The following RETREG3 variants were observed in gnomAD, a reference collection of about 807,000 sequenced individuals.
RETREG3 encodes reticulophagy regulator family member 3.
Under a neutral mutation model 50.2 loss-of-function variants are expected in RETREG3, and 23 were observed. The observed-to-expected ratio is 0.46, with a 90% confidence interval of 0.33 to 0.65. The LOEUF is 0.65. Among genes scored for constraint, RETREG3 ranks in the 30% least tolerant of loss-of-function variants. RETREG3 has a pLI of 0.02. For synonymous variants in RETREG3, 240 were observed against 234.4 expected (o/e 1.02, Z -0.22); for missense variants, 546 against 598.0 (o/e 0.91, Z 0.91).
chr17:42,593,153 T>C (rs2093136477), intron 1 of RETREG3, among the ~76,000 whole-genome samples: 1 of 152,160 alleles, frequency 6.6e-6, no homozygotes, highest in African/African-American at 2.4e-5. Flanking sequence ...CAATATTCCT[T>C]ATGAATATAG....
At chr17:42,594,777 C>G (rs559128265) in intron 1 of RETREG3, among the ~76,000 whole-genome samples, 6 of 148,170 alleles carry the variant, frequency 4.0e-5, no homozygotes, top group East Asian at 2.1e-4. Context: ...CGTGAACCTG[C>G]GAGGCGGAGC....
chr17:42,586,621 C>A, intron 4 of RETREG3, 144 bp downstream of exon 4: 1 of 1,182,740 alleles, frequency 8.5e-7, no homozygotes, highest in Non-Finnish European at 1.2e-6. Context: ...GGTCAGAAGG[C>A]CTTTCCTATA....
At chr17:42,589,495 C>T (rs932930333) in intron 2 of RETREG3, among the ~76,000 whole-genome samples, 17 of 152,130 alleles carry the variant, frequency 1.1e-4, no homozygotes, top group African/African-American at 2.9e-4. Flanking sequence ...TACAGTGGTG[C>T]GATCACGGCT....
chr17:42,586,052 C>G lies in RETREG3; in HGVS notation c.589+1G>C. On this transcript the variant is annotated splice_donor_variant, in intron 5 of 8. Transcript: ENST00000309428. LOFTEE classifies it high-confidence loss of function. ...GTAGGGGAGGTATATGTCATACTTA[C>G]GCATCAAGTAGGACAGCAGAAGCCC... 6.2e-7 allele frequency: 1 copy of G among 1,613,714 alleles called. No individual in the cohort carries two copies. Among genetic ancestry groups the G allele is most frequent in the Non-Finnish European group, 8.5e-7 (1 of 1,179,724 alleles).
intron 3 of RETREG3, 87 bp downstream of exon 3, chr17:42,587,747 C>A (rs2143382950): frequency 1.3e-6 from 2 of 1,519,350 alleles, no homozygotes; most frequent in Middle Eastern, 3.4e-4. Context: ...ACTGTGTGTC[C>A]AGAACATGGG....
chr17:42,590,249 T>C (rs2093129876), intron 2 of RETREG3, among the ~76,000 whole-genome samples: 1 of 152,098 alleles, frequency 6.6e-6, no homozygotes, highest in African/African-American at 2.4e-5. Flanking sequence ...TATGCACCTG[T>C]AGTCCCAGCT....
rs1266765765 is a variant in RETREG3, at chr17:42,597,505, G to T, written c.240-5343C>A. ...CCCAGCCAGAATCTATTTTGTGTGT[G>T]TGTGTGTGTGTGTGTGTGTATATAT... On this transcript the variant is annotated intron_variant, in intron 1 of 8. Transcript: ENST00000309428. Among the ~76,000 whole-genome samples the T allele has an allele frequency of 4.3e-3, 515 of 120,668 alleles. 8 individuals are homozygous for T. Among genetic ancestry groups the T allele is most frequent in the African/African-American group, 0.013 (447 of 34,146 alleles). 79.2% of individuals were successfully genotyped at this position (120,668 alleles called of 152,430 possible).
In RETREG3 at chr17:42,585,254, C is replaced by T. The variant is rs1014161890; in HGVS notation, c.598G>A (p.Val200Ile). ...LLLSYLMLVT[V>I]MMWPLAVYHR... The stretch of plus-strand genomic sequence containing the variant: ...TACACAGCAAGGGGCCACATCATGA[C>T]AGTGACAACTGTGAGGAGGCATGGG... Residue 200 changes from valine to isoleucine, a missense_variant, in exon 6 of 9, where the codon GTC becomes ATC. By Grantham distance (29) the Val-to-Ile change is conservative. Transcript: ENST00000309428. 8 of 1,613,634 alleles carry T rather than the reference C, an allele frequency of 5.0e-6. No homozygotes were observed. The highest frequency in any genetic ancestry group is 1.6e-4 in the Middle Eastern group (1 of 6,062).
chr17:42,606,104 G>A (rs573726704), intron 1 of RETREG3, among the ~76,000 whole-genome samples: 1 of 151,310 alleles, frequency 6.6e-6, no homozygotes, highest in African/African-American at 2.4e-5. Flanking sequence ...ATACACAACA[G>A]ACAAGCTACT....
At chr17:42,601,663 G>C (rs1597742270) in intron 1 of RETREG3, among the ~76,000 whole-genome samples, 1 of 75,734 alleles carries the variant, frequency 1.3e-5, no homozygotes, top group Non-Finnish European at 2.4e-5. Flanking sequence ...ACGGAGTCTT[G>C]CTCTTGTTGC....
intron 1 of RETREG3, among the ~76,000 whole-genome samples, chr17:42,594,660 G>C (rs1413619944): frequency 6.6e-6 from 1 of 151,380 alleles, no homozygotes; most frequent in Non-Finnish European, 1.5e-5. Flanking sequence ...TGGCTAACTC[G>C]TTGAAACCCT....
intron 1 of RETREG3, among the ~76,000 whole-genome samples, chr17:42,607,648 A>AT (rs2093170584): frequency 6.6e-6 from 1 of 152,028 alleles, no homozygotes; most frequent in East Asian, 1.9e-4. Context: ...CTACTAAAAA[A>AT]ATACAAAATT....
chr17:42,584,277 C>T (rs1043346981), intron 6 of RETREG3, among the ~76,000 whole-genome samples: 1 of 152,154 alleles, frequency 6.6e-6, no homozygotes, highest in Non-Finnish European at 1.5e-5. Context: ...TGGTATTATT[C>T]AACTGGCTGC....
At chr17:42,582,298 A>C in intron 8 of RETREG3, 28 bp from the exon 9 acceptor site, 3 of 1,576,218 alleles carry the variant, frequency 1.9e-6, no homozygotes, top group Non-Finnish European at 1.7e-6. Flanking sequence ...TGTCTGAGTC[A>C]TGGCACCTAC....
intron 6 of RETREG3, among the ~76,000 whole-genome samples, chr17:42,583,790 T>C (rs2093115370): frequency 6.6e-6 from 1 of 152,084 alleles, no homozygotes; most frequent in Non-Finnish European, 1.5e-5. Flanking sequence ...TCCAACATCC[T>C]CTCCACCAGA....
At chr17:42,584,740 TG>T (rs1256397069) in intron 6 of RETREG3, among the ~76,000 whole-genome samples, 1 of 141,068 alleles carries the variant, frequency 7.1e-6, no homozygotes, top group Non-Finnish European at 1.5e-5. Flanking sequence ...CACTTGAGCC[TG>T]GGAGGTCAAG....
At chr17:42,600,721 C>T (rs912868076) in intron 1 of RETREG3, among the ~76,000 whole-genome samples, 4 of 152,142 alleles carry the variant, frequency 2.6e-5, no homozygotes, top group African/African-American at 9.7e-5. Flanking sequence ...TTAAAATGAT[C>T]CATTATCCAC....
chr17:42,584,235 T>G (rs948359375), intron 6 of RETREG3, among the ~76,000 whole-genome samples: 1 of 152,186 alleles, frequency 6.6e-6, no homozygotes, highest in Non-Finnish European at 1.5e-5. Flanking sequence ...CAAAAGGAGA[T>G]GCACACCTTG....
intron 1 of RETREG3, among the ~76,000 whole-genome samples, chr17:42,607,996 A>T (rs2093171488): frequency 6.6e-6 from 1 of 152,200 alleles, no homozygotes; most frequent in African/African-American, 2.4e-5. Context: ...CGGGTCAATG[A>T]ACTTGGAATT....
Sources: gnomAD v4.1 joint callset for allele counts (sites outside exome capture counted in the v4.1 genomes callset) on GRCh38, gnomAD v4.1.1 for gene constraint, MANE v1.5 for transcripts, NCBI Gene and HGNC (gene_info 2026-07-23, HGNC 2026-07-21) for gene names.